Variants in TNRC6B observed in about 807,000 individuals in gnomAD.
The protein encoded by TNRC6B is trinucleotide repeat containing adaptor 6B.
A neutral mutation model predicts 203.6 loss-of-function variants in TNRC6B; 52 were observed. The observed-to-expected ratio is 0.26, with a 90% CI of 0.20 to 0.32. The LOEUF (loss-of-function observed/expected upper bound fraction) is 0.32, where lower values mean the gene tolerates loss of function less well. Among genes scored for constraint, TNRC6B ranks in the 10% least tolerant of loss-of-function variants. The probability of loss-of-function intolerance (pLI) is 1.00; values close to 1 mark genes in which losing one functional copy is unlikely to be tolerated. For missense variants in TNRC6B, 1,923 were observed against 2,286.2 expected, an observed-to-expected ratio of 0.84 and a Z score of 3.24; for synonymous variants, 838 against 845.7, an observed-to-expected ratio of 0.99 and a Z score of 0.16.
At chr22:40,124,131 G>A (rs1478023898) in intron 2 of TNRC6B, among the ~76,000 whole-genome samples, 1 of 152,088 alleles carries the variant, frequency 6.6e-6, no homozygotes, top group East Asian at 1.9e-4. Flanking sequence ...CTAGGTGGGT[G>A]AGCAAAGTAG....
chr22:40,098,546 T>TC (rs2068205631), intron 1 of TNRC6B, among the ~76,000 whole-genome samples: 1 of 152,194 alleles, frequency 6.6e-6, no homozygotes, highest in African/African-American at 2.4e-5. Flanking sequence ...ATCAGACTTT[T>TC]TAATCAAAAT....
At chr22:40,048,875 C>G (rs1294931170) in intron 1 of TNRC6B, among the ~76,000 whole-genome samples, 3 of 151,922 alleles carry the variant, frequency 2.0e-5, no homozygotes, top group African/African-American at 7.3e-5. Flanking sequence ...GAGTTTCGCT[C>G]TGTCGCCCAG....
chr22:40,177,949 C>G lies in TNRC6B; in HGVS notation c.-187C>G, dbSNP rs887376829. On this transcript the variant is annotated 5_prime_UTR_variant, in exon 1 of 23. Transcript: ENST00000454349. ...TAGAGACAGAGAGGGAGAGAGAGAG[C>G]AAGAGGGAGAGTGTGTGAGAGAGAG... 1 of 1,403,032 alleles carries G rather than the reference C, an allele frequency of 7.1e-7. No homozygotes were observed. The highest frequency in any genetic ancestry group is 1.5e-5 in the African/African-American group (1 of 67,514). The allele number at this position is 1,403,032 out of a possible 1,614,324, so 86.9% of individuals were successfully genotyped here.
chr22:40,145,067 C>CAAAAAA (rs768152120), intron 3 of TNRC6B, among the ~76,000 whole-genome samples: 5 of 96,096 alleles, frequency 5.2e-5, no homozygotes, highest in African/African-American at 2.1e-4. Flanking sequence ...TCTAGCTCCA[C>CAAAAAA]AAAAAAAAAA....
chr22:40,153,030 A>AG (rs768817077), intron 3 of TNRC6B, among the ~76,000 whole-genome samples: 1 of 152,004 alleles, frequency 6.6e-6, no homozygotes, highest in Non-Finnish European at 1.5e-5. Context: ...TGAACCCAGG[A>AG]GGGGAGGCTG....
chr22:40,321,497 T>G (rs1331160654), intron 22 of TNRC6B: 2 of 381,728 alleles, frequency 5.2e-6, no homozygotes. Flanking sequence ...CTAAGTAACA[T>G]AAAGCTAGGG....
rs1344797598 is a variant in TNRC6B at position 40,323,139 on chromosome 22, T to C, written c.5400T>C (p.Ser1800=). 1.2e-6 allele frequency: 2 copies of C among 1,613,606 alleles called. No homozygotes were observed. The highest frequency in any genetic ancestry group is 1.3e-5 in the African/African-American group (1 of 74,906). ...ASLWGPPNYS[S]SLWGVPTVED... The stretch of plus-strand genomic sequence containing the variant: ...TGTGGGGGCCCCCAAACTATTCTTC[T>C]AGCTTATGGGGAGTCCCAACGGTGG... Residue 1800 remains serine, a synonymous_variant, in exon 23 of 23, where the codon TCT becomes TCC. Coordinates refer to ENST00000454349, the MANE Select transcript of TNRC6B (RefSeq NM_001162501.2).
intron 19 of TNRC6B, 101 bp from the exon 20 acceptor site, chr22:40,315,182 A>G (rs1601517217): frequency 1.2e-6 from 1 of 848,436 alleles, no homozygotes. Flanking sequence ...TAGAATATAA[A>G]TGTGCATGTA....
At chr22:40,237,305 A>G (rs138243847) in intron 1 of TNRC6B, among the ~76,000 whole-genome samples, 2 of 152,282 alleles carry the variant, frequency 1.3e-5, no homozygotes, top group East Asian at 3.9e-4. Flanking sequence ...GAGCAAGGAG[A>G]GCACATTTTC....
chr22:40,254,049 C>T lies in TNRC6B; in HGVS notation c.115+2849C>T, dbSNP rs532570658. ...GTAGTGTATTCATTATATATTCTTCCTGTATTCTCCACCATTAAAAAAAAC... is the reference window on the plus strand; with the variant it reads ...GTAGTGTATTCATTATATATTCTTCTTGTATTCTCCACCATTAAAAAAAAC... On this transcript the variant is annotated intron_variant, in intron 3 of 22. Coordinates refer to ENST00000454349, the MANE Select transcript of TNRC6B (RefSeq NM_001162501.2). Among the ~76,000 whole-genome samples the T allele has an allele frequency of 9.9e-5, 15 of 152,082 alleles. No individual in the cohort carries two copies. In the East Asian group the frequency reaches 2.3e-3, roughly 23 times the overall value.
chr22:40,163,152 G>A (rs1474667), intron 4 of TNRC6B, among the ~76,000 whole-genome samples: 47,321 of 151,458 alleles, frequency 0.31, 8,020 homozygotes, highest in South Asian at 0.45. Context: ...GGTGGCTCAC[G>A]CCTGTAATCT....
intron 4 of TNRC6B, among the ~76,000 whole-genome samples, chr22:40,172,178 C>A (rs1322037602): frequency 1.3e-5 from 2 of 152,214 alleles, no homozygotes; most frequent in African/African-American, 4.8e-5. Context: ...CCATGCCCGG[C>A]CTAAACATCT....
chr22:40,312,783 A>G, intron 18 of TNRC6B, 119 bp from the exon 19 acceptor site: 1 of 1,471,872 alleles, frequency 6.8e-7, no homozygotes, highest in Non-Finnish European at 9.3e-7. Context: ...TTTCACTTTT[A>G]TTTGTTAGAC....
intron 1 of TNRC6B, among the ~76,000 whole-genome samples, chr22:40,069,191 T>C (rs979456262): frequency 3.3e-5 from 5 of 152,060 alleles, no homozygotes; most frequent in Non-Finnish European, 7.4e-5. Flanking sequence ...AGCCTCAAAT[T>C]CGTGGGCTCA....
intron 3 of TNRC6B, among the ~76,000 whole-genome samples, chr22:40,150,145 A>T (rs1026287374): frequency 4.6e-5 from 7 of 152,158 alleles, no homozygotes; most frequent in Non-Finnish European, 1.0e-4. Context: ...TGGGAGGCCA[A>T]GGCGGGCAGA....
At chr22:40,056,196 C>T (rs1306811974) in intron 1 of TNRC6B, among the ~76,000 whole-genome samples, 4 of 152,292 alleles carry the variant, frequency 2.6e-5, no homozygotes, top group African/African-American at 9.6e-5. Flanking sequence ...GATGTCCATA[C>T]CTTGTTGGCT....
At chr22:40,152,850 C>T (rs2068771543) in intron 3 of TNRC6B, among the ~76,000 whole-genome samples, 1 of 151,832 alleles carries the variant, frequency 6.6e-6, no homozygotes, top group Non-Finnish European at 1.5e-5. Context: ...CCTATAATCC[C>T]AGCACTTTGG....
At chr22:40,052,427 G>A (rs960303585) in intron 1 of TNRC6B, among the ~76,000 whole-genome samples, 6 of 145,692 alleles carry the variant, frequency 4.1e-5, no homozygotes, top group Non-Finnish European at 7.5e-5. Context: ...CTGCTTAATA[G>A]CAACGCTGTG....
In TNRC6B at chr22:40,279,921, G is replaced by A. The variant is rs564420997; in HGVS notation, c.3263-74G>A. 2.9e-6 allele frequency: 4 copies of A among 1,375,810 alleles called. No individual in the cohort carries two copies. In the East Asian group the frequency reaches 9.2e-5, roughly 32 times the overall value. 85.2% of individuals were successfully genotyped at this position (1,375,810 alleles called of 1,614,324 possible). A position where few individuals can be genotyped will look rare whatever the true frequency, so the allele number is the denominator to read the frequency against. Reference sequence around the variant, plus strand: ...TACCCAGCACCCCCATGAGGATAGTGGGGCAGGTCACTCTTGGTTCATGGG... The same window carrying A: ...TACCCAGCACCCCCATGAGGATAGTAGGGCAGGTCACTCTTGGTTCATGGG... On this transcript the variant is annotated intron_variant, in intron 9 of 22. Coordinates refer to ENST00000454349, the MANE Select transcript of TNRC6B (RefSeq NM_001162501.2).
Sources: gnomAD v4.1 joint callset for allele counts (sites outside exome capture counted in the v4.1 genomes callset) on GRCh38, gnomAD v4.1.1 for gene constraint, MANE v1.5 for transcripts, NCBI Gene and HGNC (gene_info 2026-07-23, HGNC 2026-07-21) for gene names.